RPE65: variants seen among roughly 807,000 people sequenced by gnomAD.
The protein encoded by RPE65 is retinoid isomerohydrolase.
A neutral mutation model predicts 68.5 loss-of-function variants in RPE65; 58 were observed. The observed-to-expected ratio is 0.85, with a 90% CI of 0.69 to 1.05. The LOEUF (loss-of-function observed/expected upper bound fraction) is 1.05. Ranked by LOEUF, RPE65 falls within the 50% of genes least tolerant of loss-of-function variation. RPE65 has a pLI of 0.00. For synonymous variants in RPE65, 220 were observed against 222.2 expected, an observed-to-expected ratio of 0.99 and a Z score of 0.09; for missense variants, 643 against 629.9, an observed-to-expected ratio of 1.02 and a Z score of -0.22.
chr1:68,441,604 G>A (rs1645903219), intron 5 of RPE65, among the ~76,000 whole-genome samples: 1 of 152,082 alleles, frequency 6.6e-6, no homozygotes, highest in Non-Finnish European at 1.5e-5. Context: ...TGTCTCATAA[G>A]AAGTTTAGAA....
rs121918844 is a variant in RPE65, at chr1:68,444,664, G to GA, written c.361dup (p.Ser121PhefsTer10). The GA allele has an allele frequency of 2.5e-6, 4 of 1,613,768 alleles. No homozygotes were observed. The highest frequency in any genetic ancestry group is 1.7e-5 in the Admixed American group (1 of 59,980). On this transcript the variant is annotated frameshift_variant, in exon 5 of 14. Transcript: ENST00000262340. LOFTEE classifies it high-confidence loss of function. ...AGTAACCTCTACTCCTCGAAAGTAAGAAAAAAACCTGTAGAAACAAATGAA... is the reference window on the plus strand; with the variant it reads ...AGTAACCTCTACTCCTCGAAAGTAAGAAAAAAAACCTGTAGAAACAAATGAA...
chr1:68,437,678 G>C (rs983455104), intron 10 of RPE65, among the ~76,000 whole-genome samples: 3 of 152,090 alleles, frequency 2.0e-5, no homozygotes, highest in African/African-American at 7.2e-5. Context: ...TCTAAATACA[G>C]GGAAGAAAAA....
rs147206805 is a variant in RPE65 at position 68,431,322 on chromosome 1, T to C, written c.1298A>G (p.Tyr433Cys). ...YQKYCGKPYTYAYGLGLNHFV... is the reference protein window; with the variant it reads ...YQKYCGKPYTCAYGLGLNHFV... Reference sequence around the variant, plus strand: ...GTGATTCAAGCCAAGTCCATACGCATATGTGTAAGGTTTCCCACAATACTT... The same window carrying C: ...GTGATTCAAGCCAAGTCCATACGCACATGTGTAAGGTTTCCCACAATACTT... Residue 433 changes from tyrosine (Y) to cysteine (C), a missense_variant, in exon 12 of 14, where the codon TAT (tyrosine) becomes TGT (cysteine). Physicochemically the swap from Tyr to Cys is radical, Grantham distance 194. Transcript: ENST00000262340. The C allele has an allele frequency of 3.7e-6, 6 of 1,613,978 alleles. 1 individual carries two copies. The East Asian group carries it at 1.1e-4, about 30-fold the overall frequency.
chr1:68,449,467 C>G (rs1416875151), intron 1 of RPE65, among the ~76,000 whole-genome samples: 3 of 152,136 alleles, frequency 2.0e-5, no homozygotes, highest in Non-Finnish European at 4.4e-5. Flanking sequence ...TTACTATGTC[C>G]TACATACCAT....
At chr1:68,441,078 C>T in intron 5 of RPE65, 78 bp from the exon 6 acceptor site, 1 of 1,520,098 alleles carries the variant, frequency 6.6e-7, no homozygotes, top group Admixed American at 1.8e-5. Flanking sequence ...CTGAGGTCAT[C>T]ACTACCCCTT....
rs1400399381 is a variant in RPE65, at chr1:68,438,974, C to A, written c.966G>T (p.Gly322=). The A allele has an allele frequency of 6.2e-7, 1 of 1,614,052 alleles. No homozygotes were observed. The highest frequency in any genetic ancestry group is 8.5e-7 in the Non-Finnish European group (1 of 1,179,960). The part of the protein sequence containing the change: ...FHHINTYEDN[G]FLIVDLCCWK... ...AGCAGCAGAGATCCACAATCAGAAACCCATTGTCTTCATAGGTGTTGATGT... is the reference window on the plus strand; with the variant it reads ...AGCAGCAGAGATCCACAATCAGAAAACCATTGTCTTCATAGGTGTTGATGT... The change falls in exon 9 of 14, where the codon GGG becomes GGT. Residue 322 remains glycine, a synonymous_variant. Transcript: ENST00000262340.
At chr1:68,442,914 GC>G (rs1436566558) in intron 5 of RPE65, among the ~76,000 whole-genome samples, 1 of 152,134 alleles carries the variant, frequency 6.6e-6, no homozygotes, top group African/African-American at 2.4e-5. Flanking sequence ...ATCAGCTTGT[GC>G]TATTGAGACT....
chr1:68,443,505 G>A (rs1645917915), intron 5 of RPE65, among the ~76,000 whole-genome samples: 1 of 152,040 alleles, frequency 6.6e-6, no homozygotes, highest in Non-Finnish European at 1.5e-5. Flanking sequence ...CCATGCTTTT[G>A]ATCGCTTTAC....
intron 10 of RPE65, among the ~76,000 whole-genome samples, chr1:68,435,543 C>T (rs3125893): frequency 0.017 from 2,577 of 152,208 alleles, 79 homozygotes; most frequent in African/African-American, 0.057. Context: ...AAGAGTACAA[C>T]GTACTTTTAT....
intron 10 of RPE65, 147 bp from the exon 11 acceptor site, chr1:68,431,732 G>A: frequency 1.4e-6 from 1 of 712,484 alleles, no homozygotes; most frequent in Admixed American, 2.0e-5. Flanking sequence ...AGGGACCCTG[G>A]GACGCGACTG....
intron 5 of RPE65, among the ~76,000 whole-genome samples, chr1:68,443,515 C>T (rs1645917987): frequency 6.6e-6 from 1 of 152,134 alleles, no homozygotes. Flanking sequence ...GATCGCTTTA[C>T]CCCCTCCATC....
chr1:68,436,039 T>C (rs1460883878), intron 10 of RPE65, among the ~76,000 whole-genome samples: 1 of 152,266 alleles, frequency 6.6e-6, no homozygotes, highest in Non-Finnish European at 1.5e-5. Context: ...AATTGGGTAA[T>C]ATTTCTTCAG....
Position 68,438,924 on chromosome 1 carries a change from T to A in RPE65, c.998+18A>T. ...GGAACAATGGGAGGTGTCCCATTTG[T>A]CCAGTGTCCTTTCTTACCCTTTCCA... On this transcript the variant is annotated intron_variant, in intron 9 of 13. Transcript: ENST00000262340. 3 of 1,614,058 alleles carry A rather than the reference T, an allele frequency of 1.9e-6. No individual in the cohort carries two copies. Among genetic ancestry groups the A allele is most frequent in the Non-Finnish European group, 2.5e-6 (3 of 1,179,918 alleles).
chr1:68,434,752 T>G (rs993544946), intron 10 of RPE65, among the ~76,000 whole-genome samples: 1 of 151,780 alleles, frequency 6.6e-6, no homozygotes, highest in African/African-American at 2.4e-5. Flanking sequence ...TTTCTTGAGA[T>G]GGAGTCTTGT....
At chr1:68,439,722 C>G (rs1279599318) in intron 6 of RPE65, 80 bp from the exon 7 acceptor site, 3 of 1,069,994 alleles carry the variant, frequency 2.8e-6, no homozygotes, top group Non-Finnish European at 2.9e-6. Flanking sequence ...ACAGCTTATA[C>G]AGGCAAAGAA....
chr1:68,431,104 T>C lies in RPE65; in HGVS notation c.1411A>G (p.Ile471Val). The C allele has an allele frequency of 6.2e-7, 1 of 1,613,850 alleles. No homozygotes were observed. The highest frequency in any genetic ancestry group is 1.1e-5 in the South Asian group (1 of 91,084). ...QEPDSYPSEP[I>V]FVSHPDALEE... ...AAGGCATCTGGGTGAGAAACAAAGA[T>C]GGGTTCTGATGGGTATGAATCAGGC... The change falls in exon 13 of 14, where the codon ATC (isoleucine) becomes GTC (valine). Residue 471 changes from isoleucine to valine, a missense_variant. Physicochemically the swap from Ile to Val is conservative, Grantham distance 29 (BLOSUM62 3). Coordinates refer to ENST00000262340, the MANE Select transcript of RPE65 (RefSeq NM_000329.3).
In RPE65 at chr1:68,444,585, T is replaced by C. The variant is rs185049543; in HGVS notation, c.441A>G (p.Thr147=). 1.2e-4 allele frequency: 192 copies of C among 1,614,180 alleles called. No homozygotes were observed. In the East Asian group the frequency reaches 3.9e-3, roughly 33 times the overall value. Residue 147 remains threonine (T), a synonymous_variant, in exon 5 of 14, where the codon ACA becomes ACG. Transcript: ENST00000262340. ...TAATCTTTGTAATAAAGTTGGTCTCTGTGCAAGCGTAGTAATCTTCCCCCA... is the reference window on the plus strand; with the variant it reads ...TAATCTTTGTAATAAAGTTGGTCTCCGTGCAAGCGTAGTAATCTTCCCCCA... The part of the protein sequence containing the change: ...YPVGEDYYAC[T]ETNFITKINP...
In RPE65 at chr1:68,429,928, C is replaced by T. The variant is rs1317871521; in HGVS notation, c.1451-1G>A. ...CTCACCACCACACTCAGAACTACAC[C>T]TGTTTATCAGAAGTAAATTAGGCAA... On this transcript the variant is annotated splice_acceptor_variant, in intron 13 of 13. Coordinates refer to ENST00000262340, the MANE Select transcript of RPE65 (RefSeq NM_000329.3). LOFTEE classifies it high-confidence loss of function. 1 of 1,613,624 alleles carries T rather than the reference C, an allele frequency of 6.2e-7. No individual in the cohort carries two copies. The highest frequency in any genetic ancestry group is 1.6e-4 in the Middle Eastern group (1 of 6,062).
At chr1:68,449,824 G>C (rs1645970249) in intron 1 of RPE65, 71 bp downstream of exon 1, 1 of 1,535,116 alleles carries the variant, frequency 6.5e-7, no homozygotes, top group East Asian at 2.2e-5. Context: ...TTCTCTTCAG[G>C]AGCCCTTGAA....
Sources: gnomAD v4.1 joint callset for allele counts (sites outside exome capture counted in the v4.1 genomes callset) on GRCh38, gnomAD v4.1.1 for gene constraint, MANE v1.5 for transcripts, NCBI Gene and HGNC (gene_info 2026-07-23, HGNC 2026-07-21) for gene names.